Variants in ASXL1 observed in about 807,000 individuals in gnomAD.
ASXL1 encodes the protein ASXL transcriptional regulator 1.
In ASXL1, 65 loss-of-function variants were observed where a neutral mutation model predicts 89.1. The ratio of observed to expected loss-of-function variants is 0.73; its 90% CI spans 0.60 to 0.90. ASXL1 has a LOEUF of 0.90. Among genes scored for constraint, ASXL1 ranks in the 40% least tolerant of loss-of-function variants. The probability of loss-of-function intolerance (pLI) is 0.00; values close to 1 mark genes in which losing one functional copy is unlikely to be tolerated. For missense variants in ASXL1, 1,786 were observed against 1,942.9 expected (o/e 0.92, Z 1.52); for synonymous variants, 739 against 746.9 (o/e 0.99, Z 0.17).
chr20:32,408,488 G>A (rs2048992921), intron 4 of ASXL1, among the ~76,000 whole-genome samples: 2 of 152,276 alleles, frequency 1.3e-5, no homozygotes, highest in East Asian at 3.9e-4. Flanking sequence ...GATAGTGTTA[G>A]TAGTGTGAAT....
At chr20:32,418,321 T>G (rs375563593) in intron 4 of ASXL1, among the ~76,000 whole-genome samples, 8 of 152,142 alleles carry the variant, frequency 5.3e-5, no homozygotes, top group African/African-American at 1.9e-4. Context: ...GCAAATGAGC[T>G]GTGATAGCAC....
intron 4 of ASXL1, among the ~76,000 whole-genome samples, chr20:32,424,641 T>A (rs780530758): frequency 1.3e-5 from 2 of 152,230 alleles, no homozygotes; most frequent in Admixed American, 1.3e-4. Flanking sequence ...TTTCATTTTT[T>A]AAAAAAGATG....
intron 4 of ASXL1, among the ~76,000 whole-genome samples, chr20:32,407,581 A>T (rs1017690315): frequency 3.3e-5 from 5 of 152,060 alleles, no homozygotes; most frequent in African/African-American, 1.2e-4. Flanking sequence ...CTCCCACCTC[A>T]GTCTCTTGAG....
rs150170779 is a variant in ASXL1 at position 32,427,434 on chromosome 20, A to T, written c.253-694A>T. ...GTTAATATTCTTCAGTGACTCCGGA[A>T]CAATCAAATTCTTGATCCCTCCACA... On this transcript the variant is annotated intron_variant, in intron 4 of 12. Transcript: ENST00000375687. 81 of 155,080 alleles carry T rather than the reference A, an allele frequency of 5.2e-4. 1 individual carries two copies. In the East Asian group the frequency reaches 0.012, roughly 24 times the overall value. 9.6% of individuals were successfully genotyped at this position (155,080 alleles called of 1,614,324 possible). A position where few individuals can be genotyped will look rare whatever the true frequency, so the allele number is the denominator to read the frequency against.
chr20:32,382,269 C>T (rs1290847772), intron 4 of ASXL1, among the ~76,000 whole-genome samples: 2 of 152,006 alleles, frequency 1.3e-5, no homozygotes, highest in Admixed American at 6.6e-5. Flanking sequence ...GCCAGCGCAC[C>T]CGGCCTCTTG....
At chr20:32,414,427 C>G (rs2049102004) in intron 4 of ASXL1, among the ~76,000 whole-genome samples, 3 of 150,300 alleles carry the variant, frequency 2.0e-5, no homozygotes. Context: ...AAAAAATATT[C>G]TGGCTGAGCT....
Position 32,358,667 on chromosome 20 carries a change from C to A in ASXL1, c.-109C>A. On this transcript the variant is annotated 5_prime_UTR_variant, in exon 1 of 13. In the 5' UTR this introduces an upstream ATG that the reference lacks. Coordinates refer to ENST00000375687, the MANE Select transcript of ASXL1 (RefSeq NM_015338.6). Reference sequence around the variant, plus strand: ...GCACCCGAGACCTCGCGCGCCGCCGCTGCCACGCGCCCCCCCCACCGCCGC... The same window carrying A: ...GCACCCGAGACCTCGCGCGCCGCCGATGCCACGCGCCCCCCCCACCGCCGC... 1 of 354,016 alleles carries A rather than the reference C, an allele frequency of 2.8e-6. No individual in the cohort carries two copies. Among genetic ancestry groups the A allele is most frequent in the Non-Finnish European group, 4.1e-6 (1 of 244,908 alleles). The allele number at this position is 354,016 out of a possible 1,614,324, so 21.9% of individuals were successfully genotyped here. A position where few individuals can be genotyped will look rare whatever the true frequency, so the allele number is the denominator to read the frequency against.
Position 32,437,365 on chromosome 20 carries a change from A to G in ASXL1, c.*27A>G, listed in dbSNP as rs937307703. On this transcript the variant is annotated 3_prime_UTR_variant, in exon 13 of 13. Coordinates refer to ENST00000375687, the MANE Select transcript of ASXL1 (RefSeq NM_015338.6). The stretch of plus-strand genomic sequence containing the variant: ...AAATTATGGCCATGGGAAACATTGT[A>G]TATTTAGTGTGTGTATTTTGATAAT... 3 of 1,604,194 alleles carry G rather than the reference A, an allele frequency of 1.9e-6. No individual in the cohort carries two copies. Among genetic ancestry groups the G allele is most frequent in the African/African-American group, 1.3e-5 (1 of 74,720 alleles).
intron 2 of ASXL1, 116 bp downstream of exon 2, chr20:32,366,582 G>GTGAGATGGAA: frequency 1.3e-6 from 2 of 1,574,648 alleles, no homozygotes; most frequent in Non-Finnish European, 1.7e-6. Context: ...GTGTCTGGTA[G>GTGAGATGGAA]TGAGATGGAA....
chr20:32,363,502 TAC>T (rs1344488332), intron 1 of ASXL1, among the ~76,000 whole-genome samples: 1 of 152,258 alleles, frequency 6.6e-6, no homozygotes, highest in African/African-American at 2.4e-5. Context: ...AGAATTTTAC[TAC>T]AGTCATGATA....
chr20:32,401,600 G>C (rs1015174293), intron 4 of ASXL1, among the ~76,000 whole-genome samples: 1 of 133,864 alleles, frequency 7.5e-6, no homozygotes, highest in Non-Finnish European at 1.5e-5. Flanking sequence ...TCGTCACCCA[G>C]ACTAGGGTGC....
At chr20:32,396,961 T>C (rs2048772368) in intron 4 of ASXL1, among the ~76,000 whole-genome samples, 1 of 149,400 alleles carries the variant, frequency 6.7e-6, no homozygotes, top group South Asian at 2.1e-4. Context: ...AATACACTAA[T>C]GATAGCTGAA....
In ASXL1 at chr20:32,433,495, G is replaced by C. The variant is rs1464725319; in HGVS notation, c.1297G>C (p.Ala433Pro). The change falls in exon 12 of 13, where the codon GCA becomes CCA. Residue 433 changes from alanine to proline, a missense_variant. Transcript: ENST00000375687. ...GTACAAAAAACAGGAGTCAGAACAAGCAGGGGTTGCTAAGGATGCAAAATC... is the reference window on the plus strand; with the variant it reads ...GTACAAAAAACAGGAGTCAGAACAACCAGGGGTTGCTAAGGATGCAAAATC... ...NLYKKQESEQAGVAKDAKSVA... is the reference protein window; with the variant it reads ...NLYKKQESEQPGVAKDAKSVA... 4 of 1,614,082 alleles carry C rather than the reference G, an allele frequency of 2.5e-6. No homozygotes were observed. Among genetic ancestry groups the C allele is most frequent in the Non-Finnish European group, 3.4e-6 (4 of 1,180,050 alleles).
intron 4 of ASXL1, among the ~76,000 whole-genome samples, chr20:32,397,113 C>T (rs1295796445): frequency 6.9e-5 from 10 of 145,020 alleles, no homozygotes; most frequent in Non-Finnish European, 9.0e-5. Context: ...AGTGTGATCT[C>T]GGCTCACTGC....
At chr20:32,361,642 AAAAAAAAG>A (rs1470439801) in intron 1 of ASXL1, among the ~76,000 whole-genome samples, 1 of 151,960 alleles carries the variant, frequency 6.6e-6, no homozygotes, top group African/African-American at 2.4e-5. Context: ...TCAAAAAAAA[AAAAAAAAG>A]AAAAAAAGAA....
chr20:32,395,093 C>T (rs183519466), intron 4 of ASXL1, among the ~76,000 whole-genome samples: 7 of 152,246 alleles, frequency 4.6e-5, no homozygotes, highest in East Asian at 3.9e-4. Flanking sequence ...TGCCTATGAG[C>T]GGTTCCAGAT....
chr20:32,413,252 G>T (rs2049080547), intron 4 of ASXL1, among the ~76,000 whole-genome samples: 1 of 152,174 alleles, frequency 6.6e-6, no homozygotes, highest in African/African-American at 2.4e-5. Flanking sequence ...AGAAACACAA[G>T]AAGAATACAC....
chr20:32,434,611 T>A lies in ASXL1; in HGVS notation c.1899T>A (p.His633Gln), dbSNP rs2145358453. 1 of 1,610,942 alleles carries A rather than the reference T, an allele frequency of 6.2e-7. No individual in the cohort carries two copies. The highest frequency in any genetic ancestry group is 8.5e-7 in the Non-Finnish European group (1 of 1,178,662). Residue 633 changes from histidine (H) to glutamine (Q), a missense_variant, in exon 13 of 13, where the codon CAT (histidine) becomes CAA (glutamine). Coordinates refer to ENST00000375687, the MANE Select transcript of ASXL1 (RefSeq NM_015338.6). ...QVRGARGHHC[H>Q]REAATTAIGG... ...GAGGGGCGAGAGGTCACCACTGCCA[T>A]AGAGAGGCGGCCACCACTGCCATCG...
chr20:32,388,539 G>A (rs1439937919), intron 4 of ASXL1, among the ~76,000 whole-genome samples: 1 of 152,184 alleles, frequency 6.6e-6, no homozygotes, highest in Non-Finnish European at 1.5e-5. Context: ...AATATAGTGA[G>A]TTATGTTAAT....
Sources: gnomAD v4.1 joint callset for allele counts (sites outside exome capture counted in the v4.1 genomes callset) on GRCh38, gnomAD v4.1.1 for gene constraint, MANE v1.5 for transcripts, NCBI Gene and HGNC (gene_info 2026-07-23, HGNC 2026-07-21) for gene names.